Variants in TBCK observed in about 807,000 individuals in gnomAD.
TBCK encodes TBC1 domain containing kinase, also known as TBC domain-containing protein kinase-like protein.
A neutral mutation model predicts 113.4 loss-of-function variants in TBCK; 99 were observed. That is an observed-to-expected ratio of 0.87 (90% CI 0.74 to 1.03). The LOEUF is 1.03. TBCK is among the 50% of genes least tolerant of loss of function. The pLI is 0.00. For synonymous variants in TBCK, 369 were observed against 370.8 expected, an observed-to-expected ratio of 1.00 and a Z score of 0.05; for missense variants, 1,045 against 1,061.3, an observed-to-expected ratio of 0.98 and a Z score of 0.21.
chr4:106,279,393 T>A (rs551912419), intron 3 of TBCK, among the ~76,000 whole-genome samples: 1 of 152,190 alleles, frequency 6.6e-6, no homozygotes, highest in Non-Finnish European at 1.5e-5. Flanking sequence ...CAATGTGTAA[T>A]AATCATATCA....
At chr4:106,159,751 T>A (rs1420498690) in intron 23 of TBCK, among the ~76,000 whole-genome samples, 3 of 152,084 alleles carry the variant, frequency 2.0e-5, no homozygotes, top group Non-Finnish European at 4.4e-5. Context: ...GTATCAATGA[T>A]GTTTTTAGCA....
In TBCK at chr4:106,265,653, T is replaced by C. The variant is rs72893613; in HGVS notation, c.267-3441A>G. ...TTCCTTGTCGATAGATACTGTTCTT[T>C]GGTTATGGATACATCATTCCTTTGA... On this transcript the variant is annotated intron_variant, in intron 3 of 25. Transcript: ENST00000394708. 4.0e-3 allele frequency among the ~76,000 whole-genome samples: 606 copies of C among 152,012 alleles called. 4 individuals carry two copies. Among genetic ancestry groups the C allele is most frequent in the African/African-American group, 0.013 (539 of 41,548 alleles).
At chr4:106,179,372 T>C (rs111296097) in intron 22 of TBCK, among the ~76,000 whole-genome samples, 4,099 of 152,132 alleles carry the variant, frequency 0.027, 179 homozygotes, top group African/African-American at 0.094. Flanking sequence ...ATGCAGGTGT[T>C]TACTGCAATA....
intron 6 of TBCK, among the ~76,000 whole-genome samples, chr4:106,250,820 C>G (rs1330829786): frequency 2.6e-5 from 4 of 151,800 alleles, no homozygotes; most frequent in Non-Finnish European, 5.9e-5. Context: ...ACCAAGATGC[C>G]TCCTGGGTAA....
At position 106,308,863 on chromosome 4, in the gene TBCK, G is replaced by A; in HGVS notation, c.98C>T (p.Pro33Leu). Reference sequence around the variant, plus strand: ...GCGCCCTAAAATTTTGATGGAATTTGGTGTGAGAGGAAGTCCATTGCTTCC... The same window carrying A: ...GCGCCCTAAAATTTTGATGGAATTTAGTGTGAGAGGAAGTCCATTGCTTCC... ...VCGSNGLPLT[P>L]NSIKILGRFQ... is the part of the protein sequence containing the mutation. The change falls in exon 2 of 26, where the codon CCA (proline) becomes CTA (leucine). Residue 33 changes from proline (P) to leucine (L), a missense_variant. Pro to Leu is a moderately conservative substitution (Grantham distance 98, BLOSUM62 -3). Coordinates refer to ENST00000394708, the MANE Select transcript of TBCK (RefSeq NM_001163435.3). 1 of 1,614,134 alleles carries A rather than the reference G, an allele frequency of 6.2e-7. No homozygotes were observed. The highest frequency in any genetic ancestry group is 8.5e-7 in the Non-Finnish European group (1 of 1,180,002).
intron 22 of TBCK, among the ~76,000 whole-genome samples, chr4:106,183,209 C>T (rs760783501): frequency 1.3e-5 from 2 of 152,080 alleles, no homozygotes; most frequent in Non-Finnish European, 2.9e-5. Context: ...TTCCATACTA[C>T]AGCCAGAATC....
chr4:106,159,814 T>C (rs1488604248), intron 23 of TBCK, among the ~76,000 whole-genome samples: 1 of 151,944 alleles, frequency 6.6e-6, no homozygotes, highest in Admixed American at 6.6e-5. Flanking sequence ...AGACCTAAAA[T>C]AGACAAAACA....
chr4:106,172,386 G>A (rs953361089), intron 22 of TBCK, among the ~76,000 whole-genome samples: 3 of 152,084 alleles, frequency 2.0e-5, no homozygotes, highest in Non-Finnish European at 4.4e-5. Context: ...CAGTCCTGAT[G>A]AGAAGTTAGC....
chr4:106,109,008 G>GAC (rs1217614549), intron 24 of TBCK, among the ~76,000 whole-genome samples: 8 of 136,366 alleles, frequency 5.9e-5, no homozygotes, highest in Non-Finnish European at 1.3e-4. Context: ...ATTCACAACT[G>GAC]ACACACACAT....
intron 19 of TBCK, among the ~76,000 whole-genome samples, chr4:106,223,429 G>A (rs917805456): frequency 2.6e-5 from 4 of 152,096 alleles, no homozygotes; most frequent in Admixed American, 6.5e-5. Flanking sequence ...TTGCCTGAGA[G>A]AGTCCCAGTT....
chr4:106,293,140 G>A (rs1362260744), intron 3 of TBCK, among the ~76,000 whole-genome samples: 1 of 152,192 alleles, frequency 6.6e-6, no homozygotes, highest in Non-Finnish European at 1.5e-5. Context: ...GACTTCATCT[G>A]TGCTAGAAGA....
At chr4:106,192,608 T>G (rs72891632) in intron 22 of TBCK, among the ~76,000 whole-genome samples, 4,086 of 152,124 alleles carry the variant, frequency 0.027, 178 homozygotes, top group African/African-American at 0.094. Context: ...AAGTTTTAAA[T>G]AAATCCAAGG....
intron 20 of TBCK, among the ~76,000 whole-genome samples, chr4:106,196,004 A>G (rs1020681258): frequency 4.6e-5 from 7 of 152,010 alleles, no homozygotes; most frequent in Non-Finnish European, 1.0e-4. Flanking sequence ...ATACTTTTTA[A>G]ATGTTCAAAA....
chr4:106,228,762 CA>C (rs568664349), intron 19 of TBCK, among the ~76,000 whole-genome samples: 31 of 151,916 alleles, frequency 2.0e-4, no homozygotes, highest in Non-Finnish European at 4.6e-4. Flanking sequence ...ATATACCTAG[CA>C]GTAGGATTGC....
At chr4:106,081,606 A>G (rs1738879831) in intron 25 of TBCK, among the ~76,000 whole-genome samples, 1 of 152,186 alleles carries the variant, frequency 6.6e-6, no homozygotes, top group South Asian at 2.1e-4. Context: ...TATGCAGGAA[A>G]CAACGATGGC....
At chr4:106,094,553 A>G (rs1270058327) in intron 25 of TBCK, among the ~76,000 whole-genome samples, 1 of 152,204 alleles carries the variant, frequency 6.6e-6, no homozygotes, top group East Asian at 1.9e-4. Flanking sequence ...TTCAGTGACC[A>G]CATTTCAGGA....
intron 25 of TBCK, among the ~76,000 whole-genome samples, chr4:106,080,685 T>C (rs1277915875): frequency 6.6e-6 from 1 of 152,144 alleles, no homozygotes; most frequent in Non-Finnish European, 1.5e-5. Context: ...CTAATTAAAC[T>C]GAAGAGCTTC....
rs866114308 is a variant in TBCK, at chr4:106,185,761, A to G, written c.2059+7848T>C. 7.6e-4 allele frequency among the ~76,000 whole-genome samples: 116 copies of G among 152,028 alleles called. 2 individuals are homozygous for G. The highest frequency in any genetic ancestry group is 2.4e-4 in the Non-Finnish European group (16 of 67,960). On this transcript the variant is annotated intron_variant, in intron 22 of 25. Transcript: ENST00000394708. ...CTTTAATTTTAGGTTCAAGGAGTAC[A>G]TGTATGGGTGTGTTATATGGGTAGG...
chr4:106,305,588 C>T (rs933275154), intron 2 of TBCK, among the ~76,000 whole-genome samples: 6 of 152,048 alleles, frequency 3.9e-5, no homozygotes, highest in Non-Finnish European at 8.8e-5. Flanking sequence ...AGTGGCATGA[C>T]TGTCAGAGGC....
Sources: allele counts gnomAD v4.1 joint callset (sites outside exome capture counted in the v4.1 genomes callset), GRCh38; gene constraint gnomAD v4.1.1; transcripts MANE v1.5; gene names NCBI Gene and HGNC (gene_info 2026-07-23, HGNC 2026-07-21).